RRN3: variants seen among roughly 807,000 people sequenced by gnomAD.
RRN3 encodes the protein RNA polymerase I-specific transcription initiation factor RRN3.
RRN3 carries 38 observed loss-of-function variants against 82.3 expected under a neutral mutation model. That is an observed-to-expected ratio of 0.46 (90% confidence interval 0.36 to 0.61). The LOEUF (loss-of-function observed/expected upper bound fraction) is 0.61. RRN3 is among the 20% of genes least tolerant of loss of function. The pLI is 0.00. For synonymous variants in RRN3, 284 were observed against 284.3 expected, an observed-to-expected ratio of 1.00 and a Z score of 0.01; for missense variants, 726 against 793.1, an observed-to-expected ratio of 0.92 and a Z score of 1.02.
At chr16:15,083,939 C>T (rs2045808424) in intron 7 of RRN3, among the ~76,000 whole-genome samples, 1 of 152,214 alleles carries the variant, frequency 6.6e-6, no homozygotes, top group African/African-American at 2.4e-5. Context: ...TGGTCTCGAA[C>T]TCCCGACCTC....
intron 8 of RRN3, among the ~76,000 whole-genome samples, chr16:15,082,171 A>G (rs1463880912): frequency 6.6e-6 from 1 of 152,180 alleles, no homozygotes; most frequent in African/African-American, 2.4e-5. Flanking sequence ...TTGTCTTAGG[A>G]AAAAACTTTT....
In RRN3 at chr16:15,078,834, CAG is replaced by C. The variant is rs1490313861; in HGVS notation, c.765+1162_765+1163del. ...TTTCTTTTTTTTTTTTTTTTTGAGA[CAG>C]AGTCTTGCTCTGTCACCCAGGCTGG... is the stretch of plus-strand genomic sequence containing the variant. On this transcript the variant is annotated intron_variant, in intron 9 of 17. Transcript: ENST00000198767. 2.2e-5 allele frequency among the ~76,000 whole-genome samples: 3 copies of C among 135,832 alleles called. 1 individual carries two copies. The highest frequency in any genetic ancestry group is 2.3e-4 in the South Asian group (1 of 4,306). 89.1% of individuals were successfully genotyped at this position (135,832 alleles called of 152,430 possible).
At chr16:15,086,588 C>G in intron 3 of RRN3, 134 bp from the exon 4 acceptor site, 8 of 1,338,568 alleles carry the variant, frequency 6.0e-6, no homozygotes, top group Non-Finnish European at 8.1e-6. Flanking sequence ...GAACTCAAAA[C>G]TGGGTATTAA....
chr16:15,077,069 C>T (rs192671011), intron 9 of RRN3, among the ~76,000 whole-genome samples: 15 of 151,928 alleles, frequency 9.9e-5, no homozygotes, highest in Admixed American at 9.2e-4. Flanking sequence ...AAACTCCGCC[C>T]CCCAGGTTCA....
At chr16:15,077,108 T>C (rs2045493142) in intron 9 of RRN3, among the ~76,000 whole-genome samples, 1 of 151,572 alleles carries the variant, frequency 6.6e-6, no homozygotes, top group East Asian at 1.9e-4. Flanking sequence ...GCCTCCCGAG[T>C]AGCTGGGATT....
At position 15,094,204 on chromosome 16, in the gene RRN3, C is replaced by T; in HGVS notation, c.30G>A (p.Leu10=). The part of the protein sequence containing the change: MAAPLLHTR[L]PGDAAASSSA... ...AGGACGAAGCGGCCGCATCTCCCGG[C>T]AAACGCGTGTGAAGCAGCGGTGCCG... Residue 10 remains leucine (L), a synonymous_variant, in exon 1 of 18, where the codon TTG becomes TTA. Transcript: ENST00000198767. 1 of 1,598,842 alleles carries T rather than the reference C, an allele frequency of 6.3e-7. No homozygotes were observed. The highest frequency in any genetic ancestry group is 8.5e-7 in the Non-Finnish European group (1 of 1,173,336).
At chr16:15,077,602 G>C (rs2045516040) in intron 9 of RRN3, among the ~76,000 whole-genome samples, 1 of 152,180 alleles carries the variant, frequency 6.6e-6, no homozygotes, top group Non-Finnish European at 1.5e-5. Context: ...AGCTCTTTGG[G>C]AGGCCGAGGT....
chr16:15,061,839 C>A lies in RRN3; in HGVS notation c.1861G>T (p.Gly621Trp), dbSNP rs768293049. The A allele has an allele frequency of 1.9e-6, 3 of 1,613,980 alleles. No individual in the cohort carries two copies. The African/African-American group carries it at 4.0e-5, about 22-fold the overall frequency. ...GEVPQNDTVI[G>W]ITPSSFDTHF... ...GTGTCAAAGGAGCTTGGTGTGATCC[C>A]AATCACGGTATCATTCTGGGGCACT... is the stretch of plus-strand genomic sequence containing the variant. The change falls in exon 18 of 18, where the codon GGG becomes TGG. Residue 621 changes from glycine to tryptophan, a missense_variant. Coordinates refer to ENST00000198767, the MANE Select transcript of RRN3 (RefSeq NM_018427.5).
chr16:15,083,425 G>A, intron 8 of RRN3, 88 bp downstream of exon 8: 1 of 1,558,876 alleles, frequency 6.4e-7, no homozygotes, highest in East Asian at 2.3e-5. Context: ...AAGAAAGACT[G>A]GAAAAGAAAG....
At chr16:15,063,315 T>A in intron 16 of RRN3, 32 bp from the exon 17 acceptor site, 2 of 1,514,258 alleles carry the variant, frequency 1.3e-6, no homozygotes, top group Non-Finnish European at 1.8e-6. Context: ...CAAAGTCAAG[T>A]TAAATACTTC....
chr16:15,065,769 G>A (rs1043228653), intron 15 of RRN3, among the ~76,000 whole-genome samples: 6 of 152,084 alleles, frequency 3.9e-5, no homozygotes, highest in African/African-American at 7.2e-5. Context: ...GAAGGTTGGT[G>A]GTAAAGGGAT....
At chr16:15,087,723 CTAAG>C (rs1325441066) in intron 3 of RRN3, among the ~76,000 whole-genome samples, 4 of 152,310 alleles carry the variant, frequency 2.6e-5, no homozygotes, top group African/African-American at 9.6e-5. Flanking sequence ...AGAAAACAAG[CTAAG>C]TTAGTGTACA....
At chr16:15,072,273 A>T (rs2045269485) in intron 12 of RRN3, among the ~76,000 whole-genome samples, 1 of 151,952 alleles carries the variant, frequency 6.6e-6, no homozygotes, top group Non-Finnish European at 1.5e-5. Context: ...AAGAAGAAGA[A>T]GAAAAGACAA....
rs979936352 is a variant in RRN3, at chr16:15,071,210, C to A, written c.1170G>T (p.Leu390Phe). Reference protein sequence around the residue: ...EAFLEHLWKKLQDPSNPAIIR... With the variant: ...EAFLEHLWKKFQDPSNPAIIR... Reference sequence around the variant, plus strand: ...TGATGGCAGGATTACTTGGGTCCTGCAATTTTTTCCAGAGATGTTCCAAAA... The same window carrying A: ...TGATGGCAGGATTACTTGGGTCCTGAAATTTTTTCCAGAGATGTTCCAAAA... Residue 390 changes from leucine (L) to phenylalanine (F), a missense_variant, in exon 13 of 18, where the codon TTG becomes TTT. Coordinates refer to ENST00000198767, the MANE Select transcript of RRN3 (RefSeq NM_018427.5). The A allele has an allele frequency of 5.0e-6, 8 of 1,610,828 alleles. No individual in the cohort carries two copies. In the African/African-American group the frequency reaches 9.4e-5, roughly 19 times the overall value.
chr16:15,079,031 C>T (rs1195315183), intron 9 of RRN3, among the ~76,000 whole-genome samples: 4 of 152,062 alleles, frequency 2.6e-5, no homozygotes, highest in African/African-American at 7.2e-5. Flanking sequence ...AGGATGGTCT[C>T]GATCTCCTGA....
In RRN3 at chr16:15,072,943, TACTC is replaced by T. The variant is rs1222323894; in HGVS notation, c.1128+3_1128+6del. 1.2e-6 allele frequency: 2 copies of T among 1,613,272 alleles called. No homozygotes were observed. Among genetic ancestry groups the T allele is most frequent in the Admixed American group, 1.7e-5 (1 of 59,830 alleles). ...GCTAAGATAATGTTAATCACATTCT[TACTC>T]ACCAATTTGAAACTACAGAGGTAAA... is the stretch of plus-strand genomic sequence containing the variant. On this transcript the variant is annotated splice_donor_5th_base_variant and intron_variant, in intron 12 of 17. Coordinates refer to ENST00000198767, the MANE Select transcript of RRN3 (RefSeq NM_018427.5).
chr16:15,092,332 G>T (rs1259274666), intron 2 of RRN3, among the ~76,000 whole-genome samples, 177 bp downstream of exon 2: 3 of 151,888 alleles, frequency 2.0e-5, no homozygotes, highest in Non-Finnish European at 2.9e-5. Context: ...GCCAAGGTGG[G>T]GGAAAAAAAG....
chr16:15,082,901 T>C (rs2045763938), intron 8 of RRN3, among the ~76,000 whole-genome samples: 1 of 152,224 alleles, frequency 6.6e-6, no homozygotes, highest in African/African-American at 2.4e-5. Flanking sequence ...CAATTAGTAA[T>C]ACATGAACTA....
chr16:15,093,028 G>T (rs1351207376), intron 1 of RRN3, among the ~76,000 whole-genome samples: 2 of 151,798 alleles, frequency 1.3e-5, no homozygotes, highest in Admixed American at 6.6e-5. Flanking sequence ...TTTTGAGATG[G>T]AGTCTTGCTC....
Sources: gnomAD v4.1 joint callset for allele counts (sites outside exome capture counted in the v4.1 genomes callset) on GRCh38, gnomAD v4.1.1 for gene constraint, MANE v1.5 for transcripts, NCBI Gene and HGNC (gene_info 2026-07-23, HGNC 2026-07-21) for gene names.